HELQ: variants seen among roughly 807,000 people sequenced by gnomAD.
The protein encoded by HELQ is helicase, POLQ like.
Under a neutral mutation model 111.6 loss-of-function variants are expected in HELQ, and 77 were observed. The ratio of observed to expected loss-of-function variants is 0.69; its 90% confidence interval spans 0.57 to 0.83. The LOEUF (loss-of-function observed/expected upper bound fraction) is 0.83. HELQ is among the 40% of genes least tolerant of loss of function. The pLI is 0.00. For synonymous variants in HELQ, 438 were observed against 454.7 expected (o/e 0.96, Z 0.47); for missense variants, 1,200 against 1,288.5 (o/e 0.93, Z 1.05).
intron 9 of HELQ, among the ~76,000 whole-genome samples, chr4:83,432,554 A>C (rs1720213096): frequency 6.6e-6 from 1 of 152,150 alleles, no homozygotes; most frequent in Non-Finnish European, 1.5e-5. Flanking sequence ...TAATTACCAG[A>C]GCTATCATTT....
At chr4:83,431,790 C>G (rs762605489) in intron 10 of HELQ, 22 bp from the exon 11 acceptor site, 10 of 976,504 alleles carry the variant, frequency 1.0e-5, no homozygotes, top group Non-Finnish European at 1.5e-6. Context: ...AAAGCAAAAC[C>G]ATGCCTTGTG....
rs761889458 is a variant in HELQ at position 83,446,943 on chromosome 4, C to T, written c.1284G>A (p.Arg428=). Residue 428 remains arginine, a synonymous_variant, in exon 4 of 18, where the codon AGG becomes AGA. Coordinates refer to ENST00000295488, the MANE Select transcript of HELQ (RefSeq NM_133636.5). Reference sequence around the variant, plus strand: ...TGGCAATATAGAGTGATTTCTTTTCCCTTCTTTTAGTTGGAGGAAATCTTC... The same window carrying T: ...TGGCAATATAGAGTGATTTCTTTTCTCTTCTTTTAGTTGGAGGAAATCTTC... ...SKGRFPPTKR[R]EKKSLYIATI... 3.1e-6 allele frequency: 5 copies of T among 1,612,676 alleles called. No individual in the cohort carries two copies. The highest frequency in any genetic ancestry group is 4.5e-5 in the East Asian group (2 of 44,860).
intron 15 of HELQ, among the ~76,000 whole-genome samples, chr4:83,420,033 T>C (rs1448033665): frequency 6.6e-6 from 1 of 152,056 alleles, no homozygotes; most frequent in East Asian, 1.9e-4. Flanking sequence ...TTTTAGAAAA[T>C]TGACTTGGAA....
chr4:83,427,774 G>C, intron 12 of HELQ, 54 bp from the exon 13 acceptor site: 1 of 1,280,932 alleles, frequency 7.8e-7, no homozygotes, highest in Non-Finnish European at 1.0e-6. Flanking sequence ...GGGGCAAAGA[G>C]ATGGCTTTAA....
At chr4:83,449,908 G>C (rs1394799603) in intron 2 of HELQ, among the ~76,000 whole-genome samples, 1 of 149,464 alleles carries the variant, frequency 6.7e-6, no homozygotes, top group Non-Finnish European at 1.5e-5. Flanking sequence ...ATCCAGAGCT[G>C]ACTAATGTGG....
At chr4:83,454,736 T>C (rs1311061911) in intron 1 of HELQ, among the ~76,000 whole-genome samples, 1 of 152,056 alleles carries the variant, frequency 6.6e-6, no homozygotes, top group African/African-American at 2.4e-5. Context: ...CAGATTGTAA[T>C]TCTTAAAGCT....
chr4:83,423,648 C>T (rs980724407), intron 14 of HELQ, among the ~76,000 whole-genome samples: 2 of 152,094 alleles, frequency 1.3e-5, no homozygotes, highest in Non-Finnish European at 2.9e-5. Context: ...CGGTGGCTCA[C>T]GCTTGTAATC....
In HELQ at chr4:83,431,756, T is replaced by A. The variant is rs1249863086; in HGVS notation, c.2203A>T (p.Ile735Leu). The A allele has an allele frequency of 1.0e-5, 15 of 1,490,532 alleles. No homozygotes were observed. Among genetic ancestry groups the A allele is most frequent in the African/African-American group, 2.9e-5 (2 of 70,048 alleles). The allele number at this position is 1,490,532 out of a possible 1,614,324, so 92.3% of individuals were successfully genotyped here. The part of the protein sequence containing the change: ...EKDKQQVLEL[I>L]TKPLENCYSH... ...TAACAGTTTTCCAATGGTTTAGTTA[T>A]TAACTCCAATACCTATAAAGGTTAA... Residue 735 changes from isoleucine to leucine, a missense_variant, in exon 11 of 18, where the codon ATA becomes TTA. Ile to Leu is a conservative substitution (Grantham distance 5). Around this residue, in one of 3 missense-constraint regions of HELQ, gnomAD observed 585 missense variants for 665.3 expected, o/e 0.88. Transcript: ENST00000295488.
upstream of HELQ, chr4:83,455,842 G>GCACGCATAAACTTCTACCCTGTC (rs1721769621): frequency 4.8e-6 from 4 of 835,696 alleles, no homozygotes; most frequent in Non-Finnish European, 1.9e-6. Flanking sequence ...CGGACCGGAA[G>GCACGCATAAACTTCTACCCTGTC]CACGCATAAA....
intron 14 of HELQ, among the ~76,000 whole-genome samples, chr4:83,422,430 G>A (rs1309321032): frequency 6.6e-6 from 1 of 152,166 alleles, no homozygotes; most frequent in Admixed American, 6.5e-5. Context: ...ATCTCTAGGT[G>A]AAATCACCCT....
chr4:83,420,084 A>C (rs536105097), intron 15 of HELQ, among the ~76,000 whole-genome samples: 1 of 152,354 alleles, frequency 6.6e-6, no homozygotes, highest in South Asian at 2.1e-4. Flanking sequence ...AATAAGAAGA[A>C]ATCTAAATGC....
At chr4:83,421,166 T>C (rs750353528) in intron 15 of HELQ, among the ~76,000 whole-genome samples, 5 of 152,168 alleles carry the variant, frequency 3.3e-5, no homozygotes, top group Admixed American at 6.6e-5. Context: ...ATGGTAGCTG[T>C]TGGATATAGG....
Position 83,416,873 on chromosome 4 carries a change from G to A in HELQ, c.3064-8C>T. ...TAACTGTTTTGCTCGACCCTGAAAA[G>A]TGTTACAAAAATCAGTAGGATAATA... On this transcript the variant is annotated splice_polypyrimidine_tract_variant and splice_region_variant and intron_variant, in intron 16 of 17. Coordinates refer to ENST00000295488, the MANE Select transcript of HELQ (RefSeq NM_133636.5). 2.5e-6 allele frequency: 4 copies of A among 1,585,382 alleles called. No individual in the cohort carries two copies. Among genetic ancestry groups the A allele is most frequent in the Non-Finnish European group, 3.4e-6 (4 of 1,170,054 alleles).
At position 83,455,777 on chromosome 4, in the gene HELQ, A is replaced by C. The variant is rs1721760846; in HGVS notation, c.-84T>G. The C allele has an allele frequency of 7.4e-7, 1 of 1,344,244 alleles. No homozygotes were observed. Among genetic ancestry groups the C allele is most frequent in the African/African-American group, 1.4e-5 (1 of 69,188 alleles). 83.3% of individuals were successfully genotyped at this position (1,344,244 alleles called of 1,614,324 possible). A position where few individuals can be genotyped will look rare whatever the true frequency, so the allele number is the denominator to read the frequency against. On this transcript the variant is annotated 5_prime_UTR_variant, in exon 1 of 18. Coordinates refer to ENST00000295488, the MANE Select transcript of HELQ (RefSeq NM_133636.5). ...TATGGAAGGGAGAGTGGGACGCCGG[A>C]GCCCGCTTCTACATCCACCTTGGGA... is the stretch of plus-strand genomic sequence containing the variant.
chr4:83,432,019 A>G lies in HELQ; in HGVS notation c.2190+107T>C, dbSNP rs1013299217. ...TTAATCATATAGGAAAGAAAGCATCATTTAAAGAAAATTAATAATTAATTT... is the reference window on the plus strand; with the variant it reads ...TTAATCATATAGGAAAGAAAGCATCGTTTAAAGAAAATTAATAATTAATTT... On this transcript the variant is annotated intron_variant, in intron 10 of 17. Transcript: ENST00000295488. 2.3e-5 allele frequency: 15 copies of G among 649,264 alleles called. No individual in the cohort carries two copies. The African/African-American group carries it at 2.9e-4, about 12-fold the overall frequency. 40.2% of individuals were successfully genotyped at this position (649,264 alleles called of 1,614,324 possible). A position where few individuals can be genotyped will look rare whatever the true frequency, so the allele number is the denominator to read the frequency against.
intron 14 of HELQ, among the ~76,000 whole-genome samples, chr4:83,425,297 A>G (rs991670705): frequency 2.7e-5 from 4 of 147,386 alleles, no homozygotes; most frequent in Non-Finnish European, 6.0e-5. Flanking sequence ...AAAAAAAAAA[A>G]GGTGTGGGGG....
intron 9 of HELQ, among the ~76,000 whole-genome samples, chr4:83,435,673 G>GTTT (rs1720415441): frequency 6.6e-6 from 1 of 151,930 alleles, no homozygotes; most frequent in Non-Finnish European, 1.5e-5. Flanking sequence ...TACTACATAA[G>GTTT]ATGAAAGAAA....
At chr4:83,409,423 C>T (rs1043631727) in intron 17 of HELQ, among the ~76,000 whole-genome samples, 2 of 151,816 alleles carry the variant, frequency 1.3e-5, no homozygotes, top group African/African-American at 2.4e-5. Flanking sequence ...GCAAGGTGGC[C>T]GGCGCCTGTA....
At chr4:83,425,425 G>A (rs903648138) in intron 14 of HELQ, among the ~76,000 whole-genome samples, 4 of 152,080 alleles carry the variant, frequency 2.6e-5, no homozygotes, top group African/African-American at 9.7e-5. Context: ...TCGAAGGTAT[G>A]GTTATGAAAG....
Sources: allele counts gnomAD v4.1 joint callset (sites outside exome capture counted in the v4.1 genomes callset), GRCh38; gene constraint gnomAD v4.1.1; regional missense constraint gnomAD v4.1.1; transcripts MANE v1.5; gene names NCBI Gene and HGNC (gene_info 2026-07-23, HGNC 2026-07-21).